The following FGF14 variants were observed in gnomAD, a reference collection of about 807,000 sequenced individuals.
FGF14 encodes fibroblast growth factor 14.
FGF14 carries 5 observed loss-of-function variants against 25.5 expected under a neutral mutation model. The ratio of observed to expected loss-of-function variants is 0.20; its 90% CI spans 0.10 to 0.41. The LOEUF (loss-of-function observed/expected upper bound fraction) is 0.41. FGF14 is among the 10% of genes least tolerant of loss of function. The pLI is 1.00. For synonymous variants in FGF14, 138 were observed against 118.3 expected, an observed-to-expected ratio of 1.17 and a Z score of -1.08; for missense variants, 222 against 320.1, an observed-to-expected ratio of 0.69 and a Z score of 2.34.
At chr13:101,899,642 G>A (rs1484854892) in intron 1 of FGF14, among the ~76,000 whole-genome samples, 1 of 152,000 alleles carries the variant, frequency 6.6e-6, no homozygotes, top group Non-Finnish European at 1.5e-5. Flanking sequence ...GAAAGCTGGT[G>A]TTATTATACT....
chr13:101,724,500 GT>G (rs1291251010), intron 4 of FGF14, among the ~76,000 whole-genome samples: 2 of 150,960 alleles, frequency 1.3e-5, no homozygotes, highest in Non-Finnish European at 3.0e-5. Context: ...TAAATGACAA[GT>G]TACTGGGTGC....
At chr13:102,124,664 A>T (rs550052941) in intron 1 of FGF14, among the ~76,000 whole-genome samples, 58 of 152,218 alleles carry the variant, frequency 3.8e-4, no homozygotes, top group African/African-American at 1.3e-3. Context: ...TTATCTCCTC[A>T]TCCAGGAGCA....
chr13:101,761,913 C>A (rs960383810), intron 3 of FGF14, among the ~76,000 whole-genome samples: 2 of 152,150 alleles, frequency 1.3e-5, no homozygotes, highest in South Asian at 4.2e-4. Context: ...CAAACCAACA[C>A]AAGAGTCCCT....
At chr13:102,278,734 G>A (rs1338202226) in intron 1 of FGF14, among the ~76,000 whole-genome samples, 2 of 151,476 alleles carry the variant, frequency 1.3e-5, no homozygotes, top group East Asian at 3.9e-4. Flanking sequence ...CTATCATAAC[G>A]CTCATTTGTT....
At chr13:101,910,873 TG>T (rs1566420769) in intron 1 of FGF14, among the ~76,000 whole-genome samples, 1 of 150,356 alleles carries the variant, frequency 6.7e-6, no homozygotes, top group Non-Finnish European at 1.5e-5. Flanking sequence ...TGTGTGTGTG[TG>T]TGTGTGTGTG....
chr13:102,378,415 C>G (rs141397248), intron 1 of FGF14, among the ~76,000 whole-genome samples: 255 of 152,206 alleles, frequency 1.7e-3, no homozygotes, highest in African/African-American at 5.8e-3. Context: ...AAGCCCTATG[C>G]TACTAGCTAT....
intron 1 of FGF14, among the ~76,000 whole-genome samples, chr13:102,225,750 T>C (rs1032961218): frequency 6.6e-6 from 1 of 152,202 alleles, no homozygotes; most frequent in African/African-American, 2.4e-5. Context: ...TATTGCAATA[T>C]TACAAACCAG....
chr13:101,892,925 T>C (rs2029973030), intron 1 of FGF14, among the ~76,000 whole-genome samples: 1 of 152,074 alleles, frequency 6.6e-6, no homozygotes, highest in Non-Finnish European at 1.5e-5. Context: ...AAAAAATGAA[T>C]TGCATCCTAA....
At chr13:102,021,005 C>T (rs2040619377) in intron 1 of FGF14, among the ~76,000 whole-genome samples, 1 of 151,310 alleles carries the variant, frequency 6.6e-6, no homozygotes, top group South Asian at 2.1e-4. Flanking sequence ...GGTCAGAGTA[C>T]AAGGTATTTG....
chr13:101,916,558 G>A lies in FGF14; in HGVS notation c.88C>T (p.Arg30Trp), dbSNP rs750276006. The change falls in exon 1 of 5, where the codon CGG (arginine) becomes TGG (tryptophan). Residue 30 changes from arginine (R) to tryptophan (W), a missense_variant. Arg to Trp is a moderately radical substitution (Grantham distance 101, BLOSUM62 -3). Transcript: ENST00000376143. ...CCGCGGTTCTTGCTGGGGCTGCTCC[G>A]CCTCCTGCTGGCAGACGGCCGGTCC... Reference protein sequence around the residue: ...HWDRPSASRRRSSPSKNRGLC... With the variant: ...HWDRPSASRRWSSPSKNRGLC... The A allele has an allele frequency of 1.5e-5, 24 of 1,612,778 alleles. No homozygotes were observed. In the African/African-American group the frequency reaches 2.7e-4, roughly 18 times the overall value.
In FGF14 at chr13:102,350,880, G is replaced by A. The variant is rs2057258275; in HGVS notation, c.208+50591C>T. Among the ~76,000 whole-genome samples the A allele has an allele frequency of 2.0e-5, 3 of 152,254 alleles. No individual in the cohort carries two copies. The South Asian group carries it at 6.2e-4, about 32-fold the overall frequency. On this transcript the variant is annotated intron_variant, in intron 1 of 4. Transcript: ENST00000376131. ...GCTTTCTACATAAGCGTGGTCACTGGACACGGCCTCCCTCTCACCAAACTC... is the reference window on the plus strand; with the variant it reads ...GCTTTCTACATAAGCGTGGTCACTGAACACGGCCTCCCTCTCACCAAACTC...
intron 1 of FGF14, among the ~76,000 whole-genome samples, chr13:102,173,412 A>C (rs1271702229): frequency 1.3e-5 from 2 of 152,162 alleles, no homozygotes; most frequent in East Asian, 3.9e-4. Flanking sequence ...TGTCGAAAAC[A>C]GCACAGAGCT....
chr13:102,201,176 T>G (rs1426125547), intron 1 of FGF14, among the ~76,000 whole-genome samples: 5 of 149,744 alleles, frequency 3.3e-5, no homozygotes, highest in African/African-American at 1.2e-4. Context: ...CAGGAACAGT[T>G]TGAAATGAGA....
intron 1 of FGF14, among the ~76,000 whole-genome samples, chr13:102,337,512 G>A (rs1230757459): frequency 6.6e-6 from 1 of 152,140 alleles, no homozygotes; most frequent in Non-Finnish European, 1.5e-5. Context: ...GAGTGTTGTT[G>A]AAACAACAAT....
At chr13:102,249,710 C>G (rs1180039766) in intron 1 of FGF14, among the ~76,000 whole-genome samples, 1 of 152,194 alleles carries the variant, frequency 6.6e-6, no homozygotes, top group Non-Finnish European at 1.5e-5. Context: ...TGGTGGTCCT[C>G]AGATATCTGA....
At chr13:102,349,178 G>C (rs993350241) in intron 1 of FGF14, among the ~76,000 whole-genome samples, 5 of 152,168 alleles carry the variant, frequency 3.3e-5, no homozygotes, top group African/African-American at 1.2e-4. Flanking sequence ...CACTAGTGCT[G>C]CTGTTCAGAA....
At chr13:101,821,045 T>C (rs1447924244) in intron 3 of FGF14, among the ~76,000 whole-genome samples, 1 of 145,092 alleles carries the variant, frequency 6.9e-6, no homozygotes, top group African/African-American at 2.5e-5. Context: ...CCCCCCGGGA[T>C]TCACGCCATT....
At chr13:102,239,195 C>G (rs529100086) in intron 1 of FGF14, among the ~76,000 whole-genome samples, 1 of 152,254 alleles carries the variant, frequency 6.6e-6, no homozygotes, top group Non-Finnish European at 1.5e-5. Flanking sequence ...ATGTCTATTA[C>G]CCAGTTACTG....
chr13:101,726,623 T>G lies in FGF14; in HGVS notation c.596A>C (p.Lys199Thr). The G allele has an allele frequency of 1.9e-6, 3 of 1,613,350 alleles. No homozygotes were observed. The highest frequency in any genetic ancestry group is 2.5e-6 in the Non-Finnish European group (3 of 1,179,516). Reference protein sequence around the residue: ...KTKPAAHFLPKPLEVAMYREP... With the variant: ...KTKPAAHFLPTPLEVAMYREP... ...TGCATAATACTCACCTTCCAATGGCTTGGGTAGAAAATGAGCTGCTGGTTT... is the reference window on the plus strand; with the variant it reads ...TGCATAATACTCACCTTCCAATGGCGTGGGTAGAAAATGAGCTGCTGGTTT... Residue 199 changes from lysine (K) to threonine (T), a missense_variant, in exon 4 of 5, where the codon AAG (lysine) becomes ACG (threonine). Lys to Thr is a moderately conservative substitution (Grantham distance 78). Around this residue, in one of 5 missense-constraint regions of FGF14, gnomAD observed 66 missense variants for 90.3 expected, o/e 0.73. Coordinates refer to ENST00000376143, the MANE Select transcript of FGF14 (RefSeq NM_004115.4).
Sources: gnomAD v4.1 joint callset for allele counts (sites outside exome capture counted in the v4.1 genomes callset) on GRCh38, gnomAD v4.1.1 for gene constraint, gnomAD v4.1.1 regional missense constraint, MANE v1.5 for transcripts, NCBI Gene and HGNC (gene_info 2026-07-23, HGNC 2026-07-21) for gene names.